The following ANKRD44 variants were observed in gnomAD, a reference collection of about 807,000 sequenced individuals.
The protein encoded by ANKRD44 is ankyrin repeat domain 44.
In ANKRD44, 35 loss-of-function variants were observed where a neutral mutation model predicts 116.0. The ratio of observed to expected loss-of-function variants is 0.30; its 90% CI spans 0.23 to 0.40. ANKRD44 has a LOEUF of 0.40. Ranked by LOEUF, ANKRD44 falls within the 10% of genes least tolerant of loss-of-function variation. The pLI is 1.00. For missense variants in ANKRD44, 1,014 were observed against 1,242.6 expected, an observed-to-expected ratio of 0.82 and a Z score of 2.77; for synonymous variants, 435 against 461.8, an observed-to-expected ratio of 0.94 and a Z score of 0.74.
intron 10 of ANKRD44, among the ~76,000 whole-genome samples, chr2:197,097,471 G>A (rs2078188116): frequency 1.3e-5 from 2 of 152,106 alleles, no homozygotes. Context: ...TCTTAGTGTA[G>A]AGCTCTTTCC....
At chr2:197,230,780 G>C (rs1346002694) in intron 1 of ANKRD44, among the ~76,000 whole-genome samples, 1 of 152,076 alleles carries the variant, frequency 6.6e-6, no homozygotes, top group African/African-American at 2.4e-5. Flanking sequence ...TCGGGGCCTC[G>C]GGTCTCTTCT....
intron 16 of ANKRD44, among the ~76,000 whole-genome samples, chr2:197,042,733 C>A (rs148127737): frequency 6.6e-6 from 1 of 152,276 alleles, no homozygotes; most frequent in African/African-American, 2.4e-5. Flanking sequence ...AGTTTTACAA[C>A]CTCAGCTGAG....
intron 26 of ANKRD44, among the ~76,000 whole-genome samples, chr2:196,994,185 C>T (rs1345480346): frequency 6.6e-6 from 1 of 152,004 alleles, no homozygotes; most frequent in African/African-American, 2.4e-5. Context: ...GCTTAAGAAT[C>T]TTTTTCTTTT....
chr2:197,017,157 C>G (rs1180981388), intron 17 of ANKRD44, among the ~76,000 whole-genome samples: 1 of 152,010 alleles, frequency 6.6e-6, no homozygotes. Flanking sequence ...TGACATTTGT[C>G]GAGGGTGGTT....
intron 3 of ANKRD44, 55 bp from the exon 4 acceptor site, chr2:197,136,717 G>A (rs1045132457): frequency 3.3e-6 from 5 of 1,500,184 alleles, no homozygotes; most frequent in Admixed American, 3.4e-5. Flanking sequence ...AAGCCCTGCC[G>A]ACGTTAAATC....
chr2:197,242,665 C>A (rs777051743), intron 1 of ANKRD44, among the ~76,000 whole-genome samples: 2 of 152,166 alleles, frequency 1.3e-5, no homozygotes, highest in Admixed American at 6.5e-5. Flanking sequence ...TGGAATGGTC[C>A]CCGTCTTTCC....
chr2:197,015,572 T>G, intron 17 of ANKRD44: 1 of 512,558 alleles, frequency 2.0e-6, no homozygotes, highest in South Asian at 2.2e-5. Context: ...AGAGGAAACT[T>G]TGGAGATGGA....
rs3031992 is a variant in ANKRD44, at chr2:197,061,783, C to CT, written c.1650+16919dup. ...ATCTCCTTGAAAGTAATATCCATGC[C>CT]TTTTTTTTTTTTTCTGAGGCAGAGT... On this transcript the variant is annotated intron_variant, in intron 16 of 27. Transcript: ENST00000282272. 8.5e-4 allele frequency among the ~76,000 whole-genome samples: 122 copies of CT among 143,778 alleles called. 2 individuals carry two copies. Among genetic ancestry groups the CT allele is most frequent in the African/African-American group, 2.9e-3 (111 of 38,916 alleles). The allele number at this position is 143,778 out of a possible 152,430, so 94.3% of individuals were successfully genotyped here.
At position 196,987,978 on chromosome 2, in the gene ANKRD44, G is replaced by A. The variant is rs113410782; in HGVS notation, c.*1613C>T. 27 of 985,082 alleles carry A rather than the reference G, an allele frequency of 2.7e-5. 1 individual carries two copies. The African/African-American group carries it at 3.7e-4, about 13-fold the overall frequency. The allele number at this position is 985,082 out of a possible 1,614,324, so 61.0% of individuals were successfully genotyped here. ...GGGTATGGGAGAAAGAGAAAGAGAG[G>A]AAGAGAGAGAGAGAGAGATCAGTTG... is the stretch of plus-strand genomic sequence containing the variant. On this transcript the variant is annotated 3_prime_UTR_variant, in exon 28 of 28. Transcript: ENST00000282272.
intron 1 of ANKRD44, among the ~76,000 whole-genome samples, chr2:197,262,359 G>A (rs2082627262): frequency 6.6e-6 from 1 of 152,092 alleles, no homozygotes. Flanking sequence ...GTAGTGTTTT[G>A]GCTCCACTCC....
intron 21 of ANKRD44, among the ~76,000 whole-genome samples, chr2:196,974,667 A>T (rs2075744067): frequency 6.6e-6 from 1 of 152,282 alleles, no homozygotes; most frequent in South Asian, 2.1e-4. Flanking sequence ...AGGCAGGCAG[A>T]TCACCTGAGG....
chr2:197,103,845 G>A (rs747030350), intron 9 of ANKRD44, among the ~76,000 whole-genome samples: 60 of 152,278 alleles, frequency 3.9e-4, no homozygotes, highest in Admixed American at 1.2e-3. Context: ...GTGTGCATGC[G>A]TGTGTAGAAT....
chr2:197,005,877 G>A lies in ANKRD44; in HGVS notation c.2164C>T (p.Leu722=), dbSNP rs76756610. ...MTGHEECVQM[L]LEQEVSILCK... ...AGAATTGACACTTCTTGTTCCAGCA[G>A]CATTTGCACACATTCCTCGTGTCCT... The change falls in exon 21 of 28, where the codon CTG becomes TTG. Residue 722 remains leucine, a synonymous_variant. Transcript: ENST00000282272. The A allele has an allele frequency of 6.8e-4, 1,099 of 1,614,250 alleles. 11 individuals carry two copies. In the East Asian group the frequency reaches 0.019, roughly 28 times the overall value.
chr2:197,306,797 G>A (rs1330760055), intron 1 of ANKRD44, among the ~76,000 whole-genome samples: 2 of 152,180 alleles, frequency 1.3e-5, no homozygotes, highest in East Asian at 3.8e-4. Flanking sequence ...CAAGAAGGTA[G>A]GTGACTCAAG....
At chr2:197,254,136 T>A (rs895502188) in intron 1 of ANKRD44, among the ~76,000 whole-genome samples, 2 of 152,206 alleles carry the variant, frequency 1.3e-5, no homozygotes, top group African/African-American at 2.4e-5. Flanking sequence ...CTCACGCCTA[T>A]AATCCCAGCA....
At chr2:197,295,543 A>G (rs758732033) in intron 1 of ANKRD44, among the ~76,000 whole-genome samples, 12 of 152,236 alleles carry the variant, frequency 7.9e-5, no homozygotes, top group Non-Finnish European at 1.6e-4. Flanking sequence ...AGCAGGCAGC[A>G]GGCCATATGT....
At chr2:197,019,624 T>C (rs997074503) in intron 17 of ANKRD44, among the ~76,000 whole-genome samples, 2 of 152,180 alleles carry the variant, frequency 1.3e-5, no homozygotes, top group Admixed American at 1.3e-4. Context: ...GGCTTTTCAC[T>C]AGTGAATATG....
chr2:197,139,938 G>A (rs1365369570), intron 3 of ANKRD44, among the ~76,000 whole-genome samples: 2 of 150,766 alleles, frequency 1.3e-5, no homozygotes, highest in African/African-American at 4.9e-5. Flanking sequence ...GGAGTGCAGT[G>A]GTGCGATCTC....
chr2:197,225,334 A>ACTTTTT (rs2081678752), intron 1 of ANKRD44, among the ~76,000 whole-genome samples: 1 of 152,094 alleles, frequency 6.6e-6, no homozygotes, highest in South Asian at 2.1e-4. Flanking sequence ...ACATTGCATG[A>ACTTTTT]CTTTTTCTTT....
Sources: gnomAD v4.1 joint callset for allele counts (sites outside exome capture counted in the v4.1 genomes callset) on GRCh38, gnomAD v4.1.1 for gene constraint, MANE v1.5 for transcripts, NCBI Gene and HGNC (gene_info 2026-07-23, HGNC 2026-07-21) for gene names.